Variants in PPARGC1A observed in about 807,000 individuals in gnomAD.
PPARGC1A encodes peroxisome proliferator-activated receptor gamma coactivator 1-alpha.
A neutral mutation model predicts 88.7 loss-of-function variants in PPARGC1A; 25 were observed. That is an observed-to-expected ratio of 0.28 (90% CI 0.21 to 0.39). The LOEUF (loss-of-function observed/expected upper bound fraction) is 0.39, where lower values mean the gene tolerates loss of function less well. Ranked by LOEUF, PPARGC1A falls within the 10% of genes least tolerant of loss-of-function variation. The pLI, the probability that PPARGC1A is intolerant of heterozygous loss-of-function variation, is 1.00. For missense variants in PPARGC1A, 880 were observed against 968.7 expected (o/e 0.91, Z 1.22); for synonymous variants, 363 against 355.6 (o/e 1.02, Z -0.24).
chr4:24,271,612 C>T, the PPARGC1A span, among the ~76,000 whole-genome samples: 2 of 152,048 alleles, frequency 1.3e-5, no homozygotes, highest in African/African-American at 2.4e-5. Flanking sequence ...CTCCTGACCT[C>T]GTGATCCACC....
At chr4:24,372,694 G>T in the PPARGC1A span, among the ~76,000 whole-genome samples, 1 of 152,124 alleles carries the variant, frequency 6.6e-6, no homozygotes, top group Admixed American at 6.6e-5. Context: ...AGCTACACAG[G>T]CCTGGTTTTG....
At chr4:24,034,745 G>C in the PPARGC1A span, among the ~76,000 whole-genome samples, 4 of 152,126 alleles carry the variant, frequency 2.6e-5, no homozygotes, top group Non-Finnish European at 5.9e-5. Context: ...AATTTTTAAA[G>C]AAGCAAGAAG....
At chr4:24,182,864 C>T in the PPARGC1A span, among the ~76,000 whole-genome samples, 51 of 152,254 alleles carry the variant, frequency 3.3e-4, no homozygotes, top group East Asian at 6.6e-3. Flanking sequence ...AGAACCAAGT[C>T]GAACAATATT....
At chr4:24,099,460 T>TG in the PPARGC1A span, among the ~76,000 whole-genome samples, 1 of 152,090 alleles carries the variant, frequency 6.6e-6, no homozygotes, top group African/African-American at 2.4e-5. Flanking sequence ...CAGTTCAGCT[T>TG]GGAGAGCAGG....
the PPARGC1A span, among the ~76,000 whole-genome samples, chr4:24,433,361 G>C: frequency 6.6e-6 from 1 of 151,894 alleles, no homozygotes; most frequent in African/African-American, 2.4e-5. Context: ...TTCGCTCTGG[G>C]GGGGACAGGC....
the PPARGC1A span, among the ~76,000 whole-genome samples, chr4:24,353,865 T>G: frequency 6.6e-6 from 1 of 152,188 alleles, no homozygotes; most frequent in East Asian, 1.9e-4. Context: ...ACACACTAGG[T>G]TCAGAAATCC....
chr4:23,806,174 A>C (rs1719772853), intron 10 of PPARGC1A, among the ~76,000 whole-genome samples: 2 of 152,198 alleles, frequency 1.3e-5, no homozygotes, highest in Non-Finnish European at 2.9e-5. Flanking sequence ...TACCTTACAA[A>C]GATCAGAGAT....
At chr4:24,059,436 C>T in the PPARGC1A span, among the ~76,000 whole-genome samples, 991 of 152,302 alleles carry the variant, frequency 6.5e-3, 32 homozygotes, top group East Asian at 0.12. Context: ...CCCAAGCAAG[C>T]TGTTTTCAAA....
the PPARGC1A span, among the ~76,000 whole-genome samples, chr4:23,987,823 G>A: frequency 6.2e-4 from 94 of 151,972 alleles, 1 homozygote; most frequent in South Asian, 5.8e-3. Context: ...AAGTTCTGGG[G>A]TACATATGTA....
chr4:24,471,013 G>A, the PPARGC1A span, among the ~76,000 whole-genome samples: 1 of 151,292 alleles, frequency 6.6e-6, no homozygotes, highest in Non-Finnish European at 1.5e-5. This position sits in a 1 kb window ranked among gnomAD's most constrained non-coding sequence, Gnocchi z 5.4. Context: ...CTGCGCCCCG[G>A]GCCCGGGAGG....
chr4:24,218,789 G>C, the PPARGC1A span, among the ~76,000 whole-genome samples: 1 of 152,316 alleles, frequency 6.6e-6, no homozygotes, highest in East Asian at 1.9e-4. Flanking sequence ...TGTGCCTCTT[G>C]AGATGATCAG....
At chr4:24,457,309 A>G in the PPARGC1A span, among the ~76,000 whole-genome samples, 1 of 152,122 alleles carries the variant, frequency 6.6e-6, no homozygotes, top group African/African-American at 2.4e-5. Flanking sequence ...AAATTATGAG[A>G]AAGTCAAGTG....
At chr4:24,390,138 C>T in the PPARGC1A span, among the ~76,000 whole-genome samples, 8 of 151,948 alleles carry the variant, frequency 5.3e-5, no homozygotes, top group East Asian at 1.9e-4. Flanking sequence ...GTTTTAGCAG[C>T]CATATCCTAA....
At chr4:24,366,687 C>T in the PPARGC1A span, among the ~76,000 whole-genome samples, 2 of 152,168 alleles carry the variant, frequency 1.3e-5, no homozygotes, top group South Asian at 4.1e-4. Context: ...TCAAAGCTTT[C>T]TATCCTGCTC....
the PPARGC1A span, among the ~76,000 whole-genome samples, chr4:24,094,099 C>T: frequency 3.9e-5 from 6 of 152,084 alleles, no homozygotes; most frequent in Non-Finnish European, 7.4e-5. Context: ...TTCTCTATTG[C>T]GGTGACTGCA....
chr4:24,121,654 C>T, the PPARGC1A span, among the ~76,000 whole-genome samples: 3 of 152,250 alleles, frequency 2.0e-5, no homozygotes, highest in East Asian at 5.8e-4. Context: ...CCACGAGGCC[C>T]ATACACAGCT....
chr4:24,289,057 T>C, the PPARGC1A span, among the ~76,000 whole-genome samples: 15 of 151,892 alleles, frequency 9.9e-5, no homozygotes, highest in South Asian at 2.3e-3. Context: ...CCATCTCTAC[T>C]AAAAATACAA....
the PPARGC1A span, among the ~76,000 whole-genome samples, chr4:24,053,316 C>T: frequency 7.0e-4 from 106 of 152,258 alleles, no homozygotes; most frequent in African/African-American, 2.5e-3. Context: ...CAAAGGCTTA[C>T]TCAAATAGCC....
At chr4:24,060,741 G>A in the PPARGC1A span, among the ~76,000 whole-genome samples, 2 of 152,178 alleles carry the variant, frequency 1.3e-5, no homozygotes, top group Admixed American at 6.5e-5. Flanking sequence ...AGGTGAAAGG[G>A]AAGTGCTTCA....
Sources: gnomAD v4.1 joint callset for allele counts (sites outside exome capture counted in the v4.1 genomes callset) on GRCh38, gnomAD v4.1.1 for gene constraint, Gnocchi (gnomAD v3.1) non-coding constraint, MANE v1.5 for transcripts, NCBI Gene and HGNC (gene_info 2026-07-23, HGNC 2026-07-21) for gene names.